The following TLE6 variants were observed in gnomAD, a reference collection of about 807,000 sequenced individuals.
TLE6 encodes the protein TLE family member 6, subcortical maternal complex member.
TLE6 carries 72 observed loss-of-function variants against 77.1 expected under a neutral mutation model. That is an observed-to-expected ratio of 0.93 (90% CI 0.77 to 1.14). The LOEUF (loss-of-function observed/expected upper bound fraction) is 1.14, where lower values mean the gene tolerates loss of function less well. Ranked by LOEUF, TLE6 falls within the 50% of genes most tolerant of loss-of-function variation. The pLI is 0.00. For synonymous variants in TLE6, 366 were observed against 287.3 expected, an observed-to-expected ratio of 1.27 and a Z score of -2.77; for missense variants, 843 against 747.6, an observed-to-expected ratio of 1.13 and a Z score of -1.49.
At chr19:2,992,180 AC>A (rs1367163108) in intron 14 of TLE6, among the ~76,000 whole-genome samples, 196 bp downstream of exon 14, 1 of 152,108 alleles carries the variant, frequency 6.6e-6, no homozygotes, top group Non-Finnish European at 1.5e-5. Flanking sequence ...CACTAAAAAT[AC>A]AAAAATCAGA....
chr19:2,991,765 A>C, intron 13 of TLE6, 78 bp from the exon 14 acceptor site: 2 of 1,460,760 alleles, frequency 1.4e-6, no homozygotes, highest in Non-Finnish European at 1.9e-6. Flanking sequence ...TTCATGCCCA[A>C]ATGTAGTGAC....
At chr19:2,987,626 G>C (rs953636953) in intron 8 of TLE6, 98 bp from the exon 9 acceptor site, 7 of 1,400,328 alleles carry the variant, frequency 5.0e-6, no homozygotes, top group Non-Finnish European at 7.1e-6. Context: ...CAGGACCCCA[G>C]GCAGCTGACA....
Position 2,989,264 on chromosome 19 carries a change from C to CTG in TLE6, c.945_946dup (p.Gly316ValfsTer45). On this transcript the variant is annotated frameshift_variant, in exon 12 of 17. Coordinates refer to ENST00000246112, the MANE Select transcript of TLE6 (RefSeq NM_001143986.2). LOFTEE classifies it high-confidence loss of function. ...AGAGGCATCAAGGTGTGGAGCCTGA[C>CTG]TGGACAGGTGGCTGAGGACAGGTTC... 6.2e-7 allele frequency: 1 copy of CTG among 1,613,776 alleles called. No homozygotes were observed. Among genetic ancestry groups the CTG allele is most frequent in the African/African-American group, 1.3e-5 (1 of 75,078 alleles).
intron 8 of TLE6, 28 bp downstream of exon 8, chr19:2,987,400 G>C (rs1296167307): frequency 1.2e-6 from 2 of 1,612,810 alleles, no homozygotes; most frequent in Non-Finnish European, 1.7e-6. Context: ...GCTCTATCCA[G>C]AGGGGTGGGC....
chr19:2,994,945 A>C lies in TLE6; in HGVS notation c.1660A>C (p.Asn554His). ...PVTCCDVSSN[N>H]RLVVTGSGEH... Reference sequence around the variant, plus strand: ...CACGTGCTGTGACGTCTCTTCCAACAACCGCCTCGTTGTCACAGGCTCCGG... The same window carrying C: ...CACGTGCTGTGACGTCTCTTCCAACCACCGCCTCGTTGTCACAGGCTCCGG... Residue 554 changes from asparagine to histidine, a missense_variant, in exon 17 of 17, where the codon AAC becomes CAC. Physicochemically the swap from Asn to His is moderately conservative, Grantham distance 68. Coordinates refer to ENST00000246112, the MANE Select transcript of TLE6 (RefSeq NM_001143986.2). 2 of 1,608,776 alleles carry C rather than the reference A, an allele frequency of 1.2e-6. No individual in the cohort carries two copies. Among genetic ancestry groups the C allele is most frequent in the South Asian group, 2.2e-5 (2 of 90,018 alleles).
intron 11 of TLE6, among the ~76,000 whole-genome samples, chr19:2,988,640 A>T (rs1219499921): frequency 6.6e-6 from 1 of 152,002 alleles, no homozygotes; most frequent in Non-Finnish European, 1.5e-5. Context: ...CCGCCCCAAC[A>T]CTGGGCTCAA....
chr19:2,984,556 C>T (rs1010584760), intron 5 of TLE6: 3 of 152,270 alleles, frequency 2.0e-5, no homozygotes, highest in Admixed American at 2.0e-4. Flanking sequence ...CAACCTCCAC[C>T]TCCTGGGTTC....
chr19:2,992,072 A>G (rs1209916538), intron 14 of TLE6, 88 bp downstream of exon 14: 5 of 1,525,090 alleles, frequency 3.3e-6, no homozygotes, highest in African/African-American at 1.4e-5. Context: ...TCCGTGGCTC[A>G]CGCCTATAAT....
chr19:2,980,082 T>C lies in TLE6; in HGVS notation c.52-18T>C, dbSNP rs1029671522. 6.5e-7 allele frequency: 1 copy of C among 1,547,988 alleles called. No homozygotes were observed. Reference sequence around the variant, plus strand: ...GGAGCATTGTAAGTTTTATGTAACCTTGCTTTGACCTTTCCAGCCTTGTCC... The same window carrying C: ...GGAGCATTGTAAGTTTTATGTAACCCTGCTTTGACCTTTCCAGCCTTGTCC... On this transcript the variant is annotated intron_variant, in intron 2 of 16. Coordinates refer to ENST00000246112, the MANE Select transcript of TLE6 (RefSeq NM_001143986.2).
chr19:2,981,503 C>T, intron 3 of TLE6, 35 bp from the exon 4 acceptor site: 1 of 1,550,578 alleles, frequency 6.4e-7, no homozygotes, highest in Non-Finnish European at 8.7e-7. Context: ...GTCCTGAAGC[C>T]ACAGGTCTTC....
rs565203530 is a variant in TLE6, at chr19:2,986,975, C to T, written c.286-8C>T. The T allele has an allele frequency of 9.4e-6, 15 of 1,601,984 alleles. No individual in the cohort carries two copies. The highest frequency in any genetic ancestry group is 1.7e-4 in the Middle Eastern group (1 of 6,042). ...AAAGCTCTCACTGCCTTGTTCCTGC[C>T]GGGCCAGGTCTCACCTGCTGAACCA... is the stretch of plus-strand genomic sequence containing the variant. On this transcript the variant is annotated splice_region_variant and splice_polypyrimidine_tract_variant and intron_variant, in intron 6 of 16. Coordinates refer to ENST00000246112, the MANE Select transcript of TLE6 (RefSeq NM_001143986.2).
At chr19:2,990,640 AATAT>A (rs200555188) in intron 13 of TLE6, among the ~76,000 whole-genome samples, 1 of 74,896 alleles carries the variant, frequency 1.3e-5, no homozygotes, top group East Asian at 2.0e-4. Context: ...TATATAAATA[AATAT>A]ATATATAAAT....
Position 2,978,263 on chromosome 19 carries a change from G to C in TLE6, c.30G>C (p.Lys10Asn). 6.4e-7 allele frequency: 1 copy of C among 1,551,516 alleles called. No homozygotes were observed. The highest frequency in any genetic ancestry group is 8.7e-7 in the Non-Finnish European group (1 of 1,146,970). ...CCTCTAGGGACCAGCCCAGACCCAA[G>C]GGCCCCCCGAAAAGCACTTCGGTGA... MTSRDQPRP[K>N]GPPKSTSPCP... Residue 10 changes from lysine to asparagine, a missense_variant, in exon 2 of 17, where the codon AAG (lysine) becomes AAC (asparagine). Coordinates refer to ENST00000246112, the MANE Select transcript of TLE6 (RefSeq NM_001143986.2).
intron 11 of TLE6, 61 bp downstream of exon 11, chr19:2,988,189 C>T (rs2088960848): frequency 6.7e-7 from 1 of 1,502,236 alleles, no homozygotes; most frequent in South Asian, 1.2e-5. Context: ...TCCTTCCTGT[C>T]TATACCTCTG....
chr19:2,989,398 G>A, intron 12 of TLE6, 85 bp downstream of exon 12: 2 of 1,587,000 alleles, frequency 1.3e-6, no homozygotes, highest in South Asian at 2.2e-5. Flanking sequence ...CCAGATCGTG[G>A]AGAGAGGGCT....
chr19:2,986,029 A>C (rs2145037159), intron 5 of TLE6, among the ~76,000 whole-genome samples: 1 of 129,506 alleles, frequency 7.7e-6, no homozygotes, highest in East Asian at 2.4e-4. Context: ...AGCCGAGATC[A>C]CATCACTGCA....
intron 5 of TLE6, chr19:2,984,303 T>A (rs1302180551): frequency 6.7e-6 from 1 of 148,854 alleles, no homozygotes; most frequent in Non-Finnish European, 1.5e-5. Flanking sequence ...AGCTGGGAAA[T>A]CCATCACTGG....
At chr19:2,984,701 C>T (rs2088872078) in intron 5 of TLE6, among the ~76,000 whole-genome samples, 1 of 152,000 alleles carries the variant, frequency 6.6e-6, no homozygotes, top group African/African-American at 2.4e-5. Flanking sequence ...CTTCTGACCT[C>T]AGGTGATCCG....
chr19:2,993,920 CAAAAA>C (rs34647224), intron 15 of TLE6, 94 bp from the exon 16 acceptor site: 4,896 of 538,830 alleles, frequency 9.1e-3, no homozygotes, highest in East Asian at 0.013. Flanking sequence ...GACCCTGTCT[CAAAAA>C]AAAAAAAAAA....
Sources: gnomAD v4.1 joint callset for allele counts (sites outside exome capture counted in the v4.1 genomes callset) on GRCh38, gnomAD v4.1.1 for gene constraint, MANE v1.5 for transcripts, NCBI Gene and HGNC (gene_info 2026-07-23, HGNC 2026-07-21) for gene names.